COMMD1: variants seen among roughly 807,000 people sequenced by gnomAD.
COMMD1 encodes the protein copper metabolism domain containing 1.
COMMD1 carries 10 observed loss-of-function variants against 17.2 expected under a neutral mutation model. The observed-to-expected ratio is 0.58, with a 90% confidence interval of 0.36 to 0.99. The LOEUF (loss-of-function observed/expected upper bound fraction) is 0.99, where lower values mean the gene tolerates loss of function less well. COMMD1 is among the 50% of genes least tolerant of loss of function. The probability of loss-of-function intolerance (pLI) is 0.01; values close to 1 mark genes in which losing one functional copy is unlikely to be tolerated. For missense variants in COMMD1, 270 were observed against 231.8 expected (o/e 1.17, Z -1.07); for synonymous variants, 97 against 91.6 (o/e 1.06, Z -0.34).
intron 2 of COMMD1, among the ~76,000 whole-genome samples, chr2:62,036,058 A>T (rs1014459501): frequency 4.3e-5 from 5 of 116,584 alleles, no homozygotes; most frequent in South Asian, 2.3e-4. Flanking sequence ...TGTCTCTCAC[A>T]CACACACACA....
In COMMD1 at chr2:61,988,454, G is replaced by T. The variant is rs991729632; in HGVS notation, c.181-12247G>T. On this transcript the variant is annotated intron_variant, in intron 1 of 2. Coordinates refer to ENST00000311832, the MANE Select transcript of COMMD1 (RefSeq NM_152516.4). ...GGCCCAGGGTTTGTCTAGAAATGTTGTCCAGGAGCTAGGGCCTGGAATGGG... is the reference window on the plus strand; with the variant it reads ...GGCCCAGGGTTTGTCTAGAAATGTTTTCCAGGAGCTAGGGCCTGGAATGGG... Among the ~76,000 whole-genome samples, 10 of 152,174 alleles carry T rather than the reference G, an allele frequency of 6.6e-5. No individual in the cohort carries two copies. The South Asian group carries it at 2.1e-3, about 32-fold the overall frequency.
intron 2 of COMMD1, among the ~76,000 whole-genome samples, chr2:62,065,534 G>A (rs989108491): frequency 6.6e-6 from 1 of 151,416 alleles, no homozygotes; most frequent in Non-Finnish European, 1.5e-5. Context: ...ATGTTGCCCA[G>A]CATTGTCTCT....
chr2:62,000,081 C>G (rs1304263549), intron 1 of COMMD1, among the ~76,000 whole-genome samples: 1 of 151,722 alleles, frequency 6.6e-6, no homozygotes, highest in African/African-American at 2.4e-5. Flanking sequence ...CGCAACTACA[C>G]CCGGCCAATT....
intron 1 of COMMD1, among the ~76,000 whole-genome samples, chr2:61,939,731 A>G (rs73932884): frequency 0.098 from 14,969 of 152,140 alleles, 1,625 homozygotes; most frequent in African/African-American, 0.27. Context: ...CTAAACTATA[A>G]ATAACTATAA....
chr2:62,003,935 C>T (rs891609802), intron 2 of COMMD1, among the ~76,000 whole-genome samples: 6 of 152,124 alleles, frequency 3.9e-5, no homozygotes, highest in Non-Finnish European at 7.4e-5. Context: ...TGAGACCAGC[C>T]TGGCCAACAT....
intron 2 of COMMD1, among the ~76,000 whole-genome samples, chr2:62,122,480 TTGG>T (rs904615820): frequency 6.6e-6 from 1 of 151,054 alleles, no homozygotes; most frequent in African/African-American, 2.4e-5. Flanking sequence ...GAAACAAAGA[TTGG>T]TGGTACCTCT....
intron 2 of COMMD1, among the ~76,000 whole-genome samples, chr2:62,053,556 T>C (rs1312612474): frequency 6.6e-6 from 1 of 152,166 alleles, no homozygotes; most frequent in Non-Finnish European, 1.5e-5. Context: ...TTCTGAGGTG[T>C]TCAGATGAGC....
chr2:62,085,253 T>C (rs1366630113), intron 2 of COMMD1, among the ~76,000 whole-genome samples: 1 of 149,040 alleles, frequency 6.7e-6, no homozygotes, highest in Non-Finnish European at 1.5e-5. Context: ...AGCCTTGCTC[T>C]GTCACCCAGG....
chr2:61,970,553 A>G (rs766989997), intron 1 of COMMD1, among the ~76,000 whole-genome samples: 7 of 152,086 alleles, frequency 4.6e-5, no homozygotes, highest in Non-Finnish European at 7.3e-5. Context: ...TTTAGGGAAT[A>G]ATGATAAAAA....
intron 1 of COMMD1, among the ~76,000 whole-genome samples, chr2:61,959,757 T>C (rs1268533284): frequency 9.9e-5 from 15 of 152,186 alleles, no homozygotes; most frequent in Admixed American, 9.2e-4. Flanking sequence ...CCGTGACAAA[T>C]GATCTCTCAG....
At chr2:61,991,790 C>T (rs768516166) in intron 1 of COMMD1, among the ~76,000 whole-genome samples, 28 of 152,082 alleles carry the variant, frequency 1.8e-4, no homozygotes, top group Non-Finnish European at 3.7e-4. Flanking sequence ...GTGTCAAGTG[C>T]GGGAGGCAGG....
intron 1 of COMMD1, among the ~76,000 whole-genome samples, chr2:61,982,913 G>A (rs1390562630): frequency 2.6e-5 from 4 of 151,948 alleles, no homozygotes; most frequent in African/African-American, 9.7e-5. Flanking sequence ...TATTGAATTC[G>A]GTTTACTGGT....
chr2:61,979,226 C>G (rs776302877), intron 1 of COMMD1, among the ~76,000 whole-genome samples: 3 of 152,112 alleles, frequency 2.0e-5, no homozygotes, highest in Non-Finnish European at 4.4e-5. Flanking sequence ...AGAATGTAAT[C>G]CCAGCACTTT....
chr2:62,132,840 CA>C (rs58741435), intron 2 of COMMD1, among the ~76,000 whole-genome samples: 144,773 of 146,872 alleles, frequency 0.99, 71,362 homozygotes, highest in South Asian at 1. Context: ...ACTCTTGTCT[CA>C]AAAAAAAAAA....
rs115390084 is a variant in COMMD1, at chr2:61,933,179, A to G, written c.180+27321A>G. Among the ~76,000 whole-genome samples, 1,302 of 151,794 alleles carry G rather than the reference A, an allele frequency of 8.6e-3. 18 individuals carry two copies. The highest frequency in any genetic ancestry group is 0.029 in the African/African-American group (1,218 of 41,348). On this transcript the variant is annotated intron_variant, in intron 1 of 2. Coordinates refer to ENST00000311832, the MANE Select transcript of COMMD1 (RefSeq NM_152516.4). Reference sequence around the variant, plus strand: ...CATCTGAAATTAGCCGCATTTATCCATCGTCTCTGATGCTCAGTTTCTTCT... The same window carrying G: ...CATCTGAAATTAGCCGCATTTATCCGTCGTCTCTGATGCTCAGTTTCTTCT...
intron 1 of COMMD1, among the ~76,000 whole-genome samples, chr2:61,906,730 G>A (rs1345664255): frequency 1.3e-5 from 2 of 151,576 alleles, no homozygotes; most frequent in Non-Finnish European, 2.9e-5. Context: ...TTTACATGTT[G>A]TTTCATTTGT....
rs1001742206 is a variant in COMMD1 at position 61,928,426 on chromosome 2, G to T, written c.180+22568G>T. ...TCCGCCCACCTTAGCCTCCTAAAGT[G>T]CTGGGATTACAGGTGTGAACCACCA... On this transcript the variant is annotated intron_variant, in intron 1 of 2. Transcript: ENST00000311832. Among the ~76,000 whole-genome samples the T allele has an allele frequency of 6.6e-5, 10 of 152,134 alleles. No homozygotes were observed. The East Asian group carries it at 1.7e-3, about 26-fold the overall frequency.
chr2:62,095,255 G>A (rs1160450667), intron 2 of COMMD1, among the ~76,000 whole-genome samples: 2 of 152,136 alleles, frequency 1.3e-5, no homozygotes, highest in African/African-American at 2.4e-5. Context: ...AAAAATATGC[G>A]AAACATTCAA....
intron 1 of COMMD1, among the ~76,000 whole-genome samples, chr2:61,938,768 T>G (rs746424796): frequency 1.3e-5 from 2 of 152,144 alleles, no homozygotes; most frequent in African/African-American, 4.8e-5. Flanking sequence ...ATGAGAGAGG[T>G]TGGCATCTCT....
Sources: gnomAD v4.1 joint callset for allele counts (sites outside exome capture counted in the v4.1 genomes callset) on GRCh38, gnomAD v4.1.1 for gene constraint, MANE v1.5 for transcripts, NCBI Gene and HGNC (gene_info 2026-07-23, HGNC 2026-07-21) for gene names.